Variants in EDIL3 observed in about 807,000 individuals in gnomAD.
EDIL3 encodes the protein EGF like and discoidin domains 3.
EDIL3 carries 37 observed loss-of-function variants against 67.4 expected under a neutral mutation model. That is an observed-to-expected ratio of 0.55 (90% CI 0.42 to 0.72). The LOEUF (loss-of-function observed/expected upper bound fraction) is 0.72, where lower values mean the gene tolerates loss of function less well. EDIL3 is among the 30% of genes least tolerant of loss of function. The pLI, the probability that EDIL3 is intolerant of heterozygous loss-of-function variation, is 0.00. For missense variants in EDIL3, 527 were observed against 586.3 expected, an observed-to-expected ratio of 0.90 and a Z score of 1.04; for synonymous variants, 195 against 196.3, an observed-to-expected ratio of 0.99 and a Z score of 0.05.
At position 83,943,737 on chromosome 5, in the gene EDIL3, A is replaced by T. The variant is rs113019270; in HGVS notation, c.1294-169T>A. Among the ~76,000 whole-genome samples the T allele has an allele frequency of 2.0e-3, 308 of 152,158 alleles. 2 individuals are homozygous for T. The highest frequency in any genetic ancestry group is 7.0e-3 in the African/African-American group (292 of 41,530). ...TTTTAATAATAATTATTTTAAATTA[A>T]ATGGTCAATTAATGTTTAAAGAGTT... is the stretch of plus-strand genomic sequence containing the variant. On this transcript the variant is annotated intron_variant, in intron 10 of 10. Transcript: ENST00000296591.
intron 10 of EDIL3, among the ~76,000 whole-genome samples, chr5:83,951,375 C>T (rs1744419040): frequency 6.6e-6 from 1 of 151,740 alleles, no homozygotes; most frequent in Non-Finnish European, 1.5e-5. Flanking sequence ...GGCTTTGCTT[C>T]ATGTTCCTCA....
intron 9 of EDIL3, among the ~76,000 whole-genome samples, chr5:84,056,177 A>G (rs4624773): frequency 0.12 from 17,977 of 152,186 alleles, 1,663 homozygotes; most frequent in African/African-American, 0.25. Context: ...TTGTAGGGAC[A>G]TGGATGAAGC....
At chr5:84,137,896 G>A (rs1057461933) in intron 4 of EDIL3, among the ~76,000 whole-genome samples, 1 of 152,142 alleles carries the variant, frequency 6.6e-6, no homozygotes, top group Non-Finnish European at 1.5e-5. Context: ...AAATGTAAAT[G>A]GTGATCACTT....
At chr5:84,278,316 T>C (rs1380317475) in intron 1 of EDIL3, among the ~76,000 whole-genome samples, 1 of 152,220 alleles carries the variant, frequency 6.6e-6, no homozygotes, top group Non-Finnish European at 1.5e-5. Context: ...TGTAACTAAA[T>C]ATAGCAGATG....
In EDIL3 at chr5:84,215,866, T is replaced by C. The variant is rs73140572; in HGVS notation, c.226+13989A>G. ...GAAACTGAAGCCAGAAGGGCAATGGTGGAAGTTGCAAAATATATAAAGTTT... is the reference window on the plus strand; with the variant it reads ...GAAACTGAAGCCAGAAGGGCAATGGCGGAAGTTGCAAAATATATAAAGTTT... On this transcript the variant is annotated intron_variant, in intron 3 of 10. Transcript: ENST00000296591. Among the ~76,000 whole-genome samples, 240 of 152,284 alleles carry C rather than the reference T, an allele frequency of 1.6e-3. 1 individual carries two copies. The highest frequency in any genetic ancestry group is 5.7e-3 in the African/African-American group (237 of 41,562).
intron 1 of EDIL3, among the ~76,000 whole-genome samples, chr5:84,301,907 G>A (rs1252029294): frequency 6.6e-6 from 1 of 152,046 alleles, no homozygotes; most frequent in African/African-American, 2.4e-5. Flanking sequence ...TTCCTGACTA[G>A]AACTTCCAGA....
At chr5:84,001,767 A>G (rs1297131932) in intron 9 of EDIL3, among the ~76,000 whole-genome samples, 1 of 152,156 alleles carries the variant, frequency 6.6e-6, no homozygotes, top group Non-Finnish European at 1.5e-5. Context: ...TTGAAGCCAT[A>G]ATAAAAAAAT....
chr5:84,340,567 TATATGTTA>T (rs1357227668), intron 1 of EDIL3, among the ~76,000 whole-genome samples: 2 of 140,374 alleles, frequency 1.4e-5, no homozygotes, highest in Middle Eastern at 3.6e-3. Flanking sequence ...TATATATATA[TATATGTTA>T]GTCTACATAT....
rs1747471059 is a variant in EDIL3 at position 84,106,747 on chromosome 5, C to T, written c.553G>A (p.Gly185Arg). ...TAGTAGGGATACCATTTTTGGAGTC[C>T]AAAAAGAGCTCGGTGAGTAGAGGAA... is the stretch of plus-strand genomic sequence containing the variant. ...TASSTHRALF[G>R]LQKWYPYYAR... is the part of the protein sequence containing the mutation. Residue 185 changes from glycine (G) to arginine (R), a missense_variant, in exon 6 of 11, where the codon GGA (glycine) becomes AGA (arginine). Transcript: ENST00000296591. 3 of 1,613,104 alleles carry T rather than the reference C, an allele frequency of 1.9e-6. No homozygotes were observed. Among genetic ancestry groups the T allele is most frequent in the Non-Finnish European group, 2.5e-6 (3 of 1,179,544 alleles).
In EDIL3 at chr5:83,942,989, A is replaced by C. The variant is rs1308009492; in HGVS notation, c.*430T>G. ...CGTAGAGTCATTACAGAAGAAAAAA[A>C]CTTATTGCTAACATTGCAGTATTCC... On this transcript the variant is annotated 3_prime_UTR_variant, in exon 11 of 11. Coordinates refer to ENST00000296591, the MANE Select transcript of EDIL3 (RefSeq NM_005711.5). 5.7e-6 allele frequency: 1 copy of C among 176,256 alleles called. No individual in the cohort carries two copies. Among genetic ancestry groups the C allele is most frequent in the South Asian group, 1.1e-4 (1 of 8,742 alleles). 10.9% of individuals were successfully genotyped at this position (176,256 alleles called of 1,614,324 possible). A position where few individuals can be genotyped will look rare whatever the true frequency, so the allele number is the denominator to read the frequency against.
chr5:84,330,473 A>C (rs1023640436), intron 1 of EDIL3, among the ~76,000 whole-genome samples: 1 of 152,204 alleles, frequency 6.6e-6, no homozygotes, highest in Admixed American at 6.5e-5. Flanking sequence ...CCCAGCAGGA[A>C]TAACTGAAAA....
At chr5:84,031,586 G>C (rs889883199) in intron 9 of EDIL3, among the ~76,000 whole-genome samples, 10 of 152,130 alleles carry the variant, frequency 6.6e-5, no homozygotes, top group African/African-American at 1.9e-4. Context: ...GAAGAGACAC[G>C]AGAGGTTCCT....
intron 9 of EDIL3, among the ~76,000 whole-genome samples, chr5:84,003,177 G>C (rs1032717158): frequency 1.3e-5 from 2 of 152,158 alleles, no homozygotes; most frequent in African/African-American, 4.8e-5. Flanking sequence ...CCAGGTCCCC[G>C]CTCTTCAACA....
chr5:84,035,506 G>T (rs901083855), intron 9 of EDIL3, among the ~76,000 whole-genome samples: 13 of 152,020 alleles, frequency 8.6e-5, no homozygotes, highest in Admixed American at 7.2e-4. Flanking sequence ...TTGAAATGGG[G>T]TCACTCATTG....
intron 2 of EDIL3, among the ~76,000 whole-genome samples, chr5:84,235,886 G>T (rs1003466842): frequency 2.0e-5 from 3 of 151,842 alleles, no homozygotes; most frequent in Admixed American, 6.6e-5. Flanking sequence ...GACAATGGTT[G>T]CTCTAAAGAC....
intron 6 of EDIL3, chr5:84,078,623 C>A (rs1027817118): frequency 5.3e-5 from 8 of 152,054 alleles, no homozygotes; most frequent in South Asian, 2.1e-4. Context: ...TGGCAAGATA[C>A]CTTACCCAGA....
intron 9 of EDIL3, among the ~76,000 whole-genome samples, chr5:83,996,037 T>C (rs1745233896): frequency 6.6e-6 from 1 of 152,298 alleles, no homozygotes; most frequent in Admixed American, 6.5e-5. Flanking sequence ...TCAAATTTAA[T>C]GATCCCTGGT....
chr5:84,329,686 T>C (rs12187699), intron 1 of EDIL3, among the ~76,000 whole-genome samples: 12,810 of 152,158 alleles, frequency 0.084, 697 homozygotes, highest in South Asian at 0.2. Flanking sequence ...ATAAATTATT[T>C]AGCAATTTCT....
intron 9 of EDIL3, among the ~76,000 whole-genome samples, chr5:84,044,202 C>T (rs1250020770): frequency 6.6e-6 from 1 of 152,070 alleles, no homozygotes; most frequent in Non-Finnish European, 1.5e-5. Flanking sequence ...ATGATGGTTT[C>T]CAGCTGCATC....
Sources: allele counts gnomAD v4.1 joint callset (sites outside exome capture counted in the v4.1 genomes callset), GRCh38; gene constraint gnomAD v4.1.1; transcripts MANE v1.5; gene names NCBI Gene and HGNC (gene_info 2026-07-23, HGNC 2026-07-21).